SFI1: variants seen among roughly 807,000 people sequenced by gnomAD.
SFI1 encodes the protein SFI1 centrin binding protein.
A neutral mutation model predicts 207.5 loss-of-function variants in SFI1; 195 were observed. The ratio of observed to expected loss-of-function variants is 0.94; its 90% CI spans 0.84 to 1.06. The LOEUF is 1.06. Ranked by LOEUF, SFI1 falls within the 50% of genes least tolerant of loss-of-function variation. The pLI is 0.00. For synonymous variants in SFI1, 630 were observed against 598.9 expected (o/e 1.05, Z -0.76); for missense variants, 1,634 against 1,588.0 (o/e 1.03, Z -0.49).
intron 20 of SFI1, chr22:31,606,119 C>T (rs2068925304): frequency 3.5e-6 from 2 of 569,880 alleles, no homozygotes; most frequent in Admixed American, 3.0e-5. Flanking sequence ...GTCCCTCATG[C>T]ACTCTTGGTG....
intron 14 of SFI1, chr22:31,587,332 C>T (rs1261272814): frequency 1.0e-5 from 3 of 293,746 alleles, no homozygotes; most frequent in African/African-American, 2.9e-5. Context: ...AGACAGGTTT[C>T]ACTTTGTCAC....
intron 22 of SFI1, among the ~76,000 whole-genome samples, chr22:31,610,318 GA>G (rs1006122679): frequency 5.3e-5 from 8 of 152,182 alleles, no homozygotes; most frequent in African/African-American, 1.9e-4. Flanking sequence ...GTAAGATGGG[GA>G]TAACAGTGCC....
At chr22:31,508,653 A>G (rs898795737) in intron 2 of SFI1, among the ~76,000 whole-genome samples, 3 of 152,186 alleles carry the variant, frequency 2.0e-5, no homozygotes, top group Non-Finnish European at 2.9e-5. Flanking sequence ...CTTTGAAGTT[A>G]TATCATCCAG....
intron 9 of SFI1, 124 bp from the exon 10 acceptor site, chr22:31,575,090 GTGTGTGTGTGTGTGTGT>G: frequency 9.1e-5 from 8 of 88,258 alleles, no homozygotes; most frequent in East Asian, 1.1e-3. Context: ...TAGTGCGTGT[GTGTGTGTGTGTGTGTGT>G]GTGTGTGTGT....
chr22:31,551,448 C>T (rs893313460), intron 6 of SFI1, among the ~76,000 whole-genome samples: 1 of 152,186 alleles, frequency 6.6e-6, no homozygotes, highest in Non-Finnish European at 1.5e-5. Flanking sequence ...AGCTCTTACC[C>T]AAGCCTCATG....
rs920861384 is a variant in SFI1, at chr22:31,613,901, A to T, written c.2996+46A>T. ...TTGTCCTCGCTTCCACCCTGGGCAA[A>T]AGGTTGGATGGCATAGCAGGGAGGA... is the stretch of plus-strand genomic sequence containing the variant. On this transcript the variant is annotated intron_variant, in intron 27 of 32. Transcript: ENST00000400288. 12 of 1,537,992 alleles carry T rather than the reference A, an allele frequency of 7.8e-6. No individual in the cohort carries two copies. In the African/African-American group the frequency reaches 1.6e-4, roughly 21 times the overall value.
intron 31 of SFI1, among the ~76,000 whole-genome samples, chr22:31,617,507 G>T (rs2071868013): frequency 6.6e-6 from 1 of 152,204 alleles, no homozygotes; most frequent in African/African-American, 2.4e-5. Context: ...CAGATCACGG[G>T]GTTAGGAGTT....
At chr22:31,545,968 C>G (rs1039813744) in intron 4 of SFI1, among the ~76,000 whole-genome samples, 5 of 147,284 alleles carry the variant, frequency 3.4e-5, no homozygotes, top group Admixed American at 1.4e-4. Context: ...TCTCAGTTCA[C>G]TGGAACCTCT....
At chr22:31,548,024 C>T (rs1368922178) in intron 5 of SFI1, among the ~76,000 whole-genome samples, 1 of 151,184 alleles carries the variant, frequency 6.6e-6, no homozygotes. Flanking sequence ...ACCATCCTGG[C>T]TAACATGGTG....
rs2062670181 is a variant in SFI1 at position 31,568,841 on chromosome 22, C to A, written c.766-4217C>A. On this transcript the variant is annotated intron_variant, in intron 8 of 32. Transcript: ENST00000400288. ...AGCTAGGCATAGTGGTGCCTGTAGT[C>A]CCAGCTACTCAGGAAGCTGAGGCAG... Among the ~76,000 whole-genome samples the A allele has an allele frequency of 2.0e-5, 3 of 152,100 alleles. No individual in the cohort carries two copies. In the South Asian group the frequency reaches 6.2e-4, roughly 32 times the overall value.
rs1365277376 is a variant in SFI1 at position 31,546,968 on chromosome 22, A to T, written c.446A>T (p.Tyr149Phe). The T allele has an allele frequency of 6.2e-7, 1 of 1,602,310 alleles. No homozygotes were observed. The highest frequency in any genetic ancestry group is 8.5e-7 in the Non-Finnish European group (1 of 1,171,812). The change falls in exon 5 of 33, where the codon TAC becomes TTC. Residue 149 changes from tyrosine (Y) to phenylalanine (F), a missense_variant. By Grantham distance (22) the Tyr-to-Phe change is conservative. Coordinates refer to ENST00000400288, the MANE Select transcript of SFI1 (RefSeq NM_001007467.3). ...WKLCVRADCH[Y>F]RYYLYNLMFQ... ...CTCTGTGTTCGAGCTGACTGTCACT[A>T]CAGGTCAGGTTTCATGTTACACTCC...
chr22:31,582,172 T>C (rs995265921), intron 12 of SFI1, among the ~76,000 whole-genome samples: 14 of 122,238 alleles, frequency 1.1e-4, no homozygotes, highest in African/African-American at 4.2e-4. Flanking sequence ...AATCTAGAAC[T>C]TTCCTTCCCC....
At chr22:31,545,550 A>T (rs1007828213) in intron 4 of SFI1, among the ~76,000 whole-genome samples, 2 of 119,802 alleles carry the variant, frequency 1.7e-5, no homozygotes, top group Admixed American at 8.7e-5. Flanking sequence ...GGAGTTTTTA[A>T]TTTAATTTAA....
At chr22:31,615,506 C>G in intron 29 of SFI1, 1 of 415,540 alleles carries the variant, frequency 2.4e-6, no homozygotes, top group Non-Finnish European at 4.2e-6. Flanking sequence ...TAGTCAGAGA[C>G]AAGCAAAGAA....
intron 2 of SFI1, among the ~76,000 whole-genome samples, chr22:31,513,259 A>G (rs879874122): frequency 2.0e-5 from 3 of 151,816 alleles, no homozygotes; most frequent in East Asian, 1.9e-4. Flanking sequence ...CCTGGGATCA[A>G]GCAATCTTCA....
At chr22:31,578,817 T>C (rs2063786750) in intron 11 of SFI1, among the ~76,000 whole-genome samples, 1 of 152,122 alleles carries the variant, frequency 6.6e-6, no homozygotes, top group Non-Finnish European at 1.5e-5. Context: ...TACTCTTCCC[T>C]TCCCTTGCTA....
intron 4 of SFI1, among the ~76,000 whole-genome samples, chr22:31,531,584 A>AC (rs1207549982): frequency 6.6e-6 from 1 of 152,136 alleles, no homozygotes; most frequent in Non-Finnish European, 1.5e-5. Flanking sequence ...ACCTGGTGAA[A>AC]CCCCGTCTCT....
chr22:31,614,427 G>T, intron 27 of SFI1: 1 of 420,316 alleles, frequency 2.4e-6, no homozygotes, highest in Non-Finnish European at 4.6e-6. Context: ...GTGGGTGCAT[G>T]GGGCCTGGGT....
chr22:31,550,322 A>AC lies in SFI1; in HGVS notation c.519dup (p.Lys174GlnfsTer4), dbSNP rs1188197665. The AC allele has an allele frequency of 6.2e-7, 1 of 1,614,042 alleles. No individual in the cohort carries two copies. Among genetic ancestry groups the AC allele is most frequent in the African/African-American group, 1.3e-5 (1 of 74,942 alleles). On this transcript the variant is annotated frameshift_variant, in exon 6 of 33. Transcript: ENST00000400288. LOFTEE classifies it high-confidence loss of function. ...GTGCGTCAGCAGCAGGAGATGAGGA[A>AC]CAAGTACATTAGAGCCGAGGTTCAT...
Sources: gnomAD v4.1 joint callset for allele counts (sites outside exome capture counted in the v4.1 genomes callset) on GRCh38, gnomAD v4.1.1 for gene constraint, MANE v1.5 for transcripts, NCBI Gene and HGNC (gene_info 2026-07-23, HGNC 2026-07-21) for gene names.